FAM120B: variants seen among roughly 807,000 people sequenced by gnomAD.
The protein encoded by FAM120B is family with sequence similarity 120 member B, also known as constitutive coactivator of peroxisome proliferator-activated receptor gamma.
In FAM120B, 83 loss-of-function variants were observed where a neutral mutation model predicts 96.3. The observed-to-expected ratio is 0.86, with a 90% CI of 0.72 to 1.03. The LOEUF (loss-of-function observed/expected upper bound fraction) is 1.03, where lower values mean the gene tolerates loss of function less well. Ranked by LOEUF, FAM120B falls within the 50% of genes least tolerant of loss-of-function variation. The pLI is 0.00. For missense variants in FAM120B, 1,027 were observed against 1,121.2 expected (o/e 0.92, Z 1.20); for synonymous variants, 407 against 402.7 (o/e 1.01, Z -0.13).
At chr6:170,345,984 C>T (rs1348712559) in intron 4 of FAM120B, among the ~76,000 whole-genome samples, 2 of 152,172 alleles carry the variant, frequency 1.3e-5, no homozygotes, top group African/African-American at 4.8e-5. Flanking sequence ...ACCTGTGAAG[C>T]GTGTGGCTGC....
chr6:170,378,041 C>A (rs932436921), intron 6 of FAM120B, among the ~76,000 whole-genome samples: 1 of 152,132 alleles, frequency 6.6e-6, no homozygotes, highest in Non-Finnish European at 1.5e-5. Context: ...AAGCTATGAC[C>A]TTTTTACCAG....
chr6:170,370,664 C>T lies in FAM120B; in HGVS notation c.2283+12346C>T, dbSNP rs982279947. Among the ~76,000 whole-genome samples, 2 of 152,220 alleles carry T rather than the reference C, an allele frequency of 1.3e-5. No individual in the cohort carries two copies. The highest frequency in any genetic ancestry group is 2.9e-5 in the Non-Finnish European group (2 of 68,040). On this transcript the variant is annotated intron_variant, in intron 6 of 10. Transcript: ENST00000476287. This position sits in a 1 kb window ranked among gnomAD's most constrained non-coding sequence, Gnocchi z 4.3. ...GCAGTAAAGGGGAAGAACAGCAGAACTGCAGTCAGCAGTTCAGATATTACC... is the reference window on the plus strand; with the variant it reads ...GCAGTAAAGGGGAAGAACAGCAGAATTGCAGTCAGCAGTTCAGATATTACC...
At chr6:170,328,997 A>G (rs1190121709) in intron 3 of FAM120B, among the ~76,000 whole-genome samples, 1 of 152,220 alleles carries the variant, frequency 6.6e-6, no homozygotes, top group African/African-American at 2.4e-5. Context: ...CAGAGTGCCC[A>G]AGGTGTAGGA....
rs575723453 is a variant in FAM120B, at chr6:170,324,350, A to G, written c.1915+1091A>G. Reference sequence around the variant, plus strand: ...AGAGTTCACCTCTGTGACCTAAGGAAGCAGACATGAGAAAGATGTTTAAGC... The same window carrying G: ...AGAGTTCACCTCTGTGACCTAAGGAGGCAGACATGAGAAAGATGTTTAAGC... On this transcript the variant is annotated intron_variant, in intron 3 of 10. Coordinates refer to ENST00000476287, the MANE Select transcript of FAM120B (RefSeq NM_032448.3). 7.9e-5 allele frequency among the ~76,000 whole-genome samples: 12 copies of G among 152,350 alleles called. No homozygotes were observed. The South Asian group carries it at 2.5e-3, about 32-fold the overall frequency.
At chr6:170,306,195 G>A (rs1002098483), upstream of FAM120B, among the ~76,000 whole-genome samples, 8 of 152,196 alleles carry the variant, frequency 5.3e-5, no homozygotes, top group African/African-American at 1.4e-4. Context: ...CGCTGACTGG[G>A]GCCGCGCCGT....
chr6:170,374,692 C>T (rs1168502473), intron 6 of FAM120B, among the ~76,000 whole-genome samples: 1 of 152,210 alleles, frequency 6.6e-6, no homozygotes, highest in Admixed American at 6.5e-5. Flanking sequence ...CACCTTTCTT[C>T]TTCCCTTCAC....
intron 4 of FAM120B, among the ~76,000 whole-genome samples, chr6:170,338,285 T>C (rs1786575008): frequency 1.3e-5 from 2 of 152,242 alleles, no homozygotes; most frequent in African/African-American, 2.4e-5. Context: ...AATTTTGTTA[T>C]TTACCCAGTA....
At chr6:170,339,366 T>A (rs952373011) in intron 4 of FAM120B, among the ~76,000 whole-genome samples, 2 of 152,146 alleles carry the variant, frequency 1.3e-5, no homozygotes, top group Non-Finnish European at 2.9e-5. Context: ...TTTGCCATTT[T>A]TCCAGTTCCA....
chr6:170,391,162 A>G (rs1256514693), intron 8 of FAM120B, 41 bp downstream of exon 8: 2 of 1,325,310 alleles, frequency 1.5e-6, no homozygotes, highest in South Asian at 2.4e-5. Context: ...CCACAAGCGT[A>G]GACCCTAACT....
In FAM120B at chr6:170,330,493, C is replaced by A. The variant is rs1430009760; in HGVS notation, c.1960C>A (p.Pro654Thr). The change falls in exon 4 of 11, where the codon CCT becomes ACT. Residue 654 changes from proline (P) to threonine (T), a missense_variant. Pro to Thr is a conservative substitution (Grantham distance 38). This residue lies in a region of FAM120B where 880 missense variants were observed against 980.9 expected (regional missense o/e 0.90). Transcript: ENST00000476287. ...AGCTGTCAAGGAGTGGTTTGTGTAT[C>A]CTGGGAACCCACTGAGGCACCCGGA... is the stretch of plus-strand genomic sequence containing the variant. ...CLAVKEWFVYPGNPLRHPDLV... is the reference protein window; with the variant it reads ...CLAVKEWFVYTGNPLRHPDLV... 6.2e-7 allele frequency: 1 copy of A among 1,614,008 alleles called. No homozygotes were observed. Among genetic ancestry groups the A allele is most frequent in the Non-Finnish European group, 8.5e-7 (1 of 1,180,020 alleles).
In FAM120B at chr6:170,317,379, C is replaced by G. The variant is rs766836786; in HGVS notation, c.-12C>G. 2 of 1,595,208 alleles carry G rather than the reference C, an allele frequency of 1.3e-6. No individual in the cohort carries two copies. The highest frequency in any genetic ancestry group is 2.2e-5 in the South Asian group (2 of 89,976). On this transcript the variant is annotated 5_prime_UTR_variant, in exon 2 of 11. Coordinates refer to ENST00000476287, the MANE Select transcript of FAM120B (RefSeq NM_032448.3). Reference sequence around the variant, plus strand: ...TTATCTTTCTTTCCAGATCCTTTCCCGGAGTTCAGTTATGGGTGTGAGAGG... The same window carrying G: ...TTATCTTTCTTTCCAGATCCTTTCCGGGAGTTCAGTTATGGGTGTGAGAGG...
At chr6:170,368,610 C>T (rs975095411) in intron 6 of FAM120B, among the ~76,000 whole-genome samples, 3 of 152,168 alleles carry the variant, frequency 2.0e-5, no homozygotes, top group African/African-American at 7.2e-5. Context: ...AGAAGAAATA[C>T]AATTTTTAAA....
intron 4 of FAM120B, among the ~76,000 whole-genome samples, chr6:170,337,001 T>A (rs2115093124): frequency 6.6e-6 from 1 of 152,364 alleles, no homozygotes; most frequent in South Asian, 2.1e-4. Flanking sequence ...TGATTTTCTC[T>A]CTTCCTATTT....
chr6:170,326,346 G>A (rs1243432375), intron 3 of FAM120B, among the ~76,000 whole-genome samples: 2 of 152,176 alleles, frequency 1.3e-5, no homozygotes, highest in African/African-American at 4.8e-5. Flanking sequence ...TGGTTTGTTA[G>A]CACTCCCTCC....
At chr6:170,383,353 T>C (rs925804805) in intron 6 of FAM120B, among the ~76,000 whole-genome samples, 7 of 152,210 alleles carry the variant, frequency 4.6e-5, no homozygotes, top group African/African-American at 1.7e-4. Context: ...AATGTCGCTC[T>C]ATTAGGATAA....
intron 6 of FAM120B, among the ~76,000 whole-genome samples, chr6:170,361,578 T>G (rs1490728611): frequency 1.3e-5 from 2 of 152,080 alleles, no homozygotes; most frequent in African/African-American, 4.8e-5. Context: ...TTGTTTTCCC[T>G]TTGTAGTTAG....
At chr6:170,345,209 T>A (rs1228987855) in intron 4 of FAM120B, among the ~76,000 whole-genome samples, 2 of 152,192 alleles carry the variant, frequency 1.3e-5, no homozygotes, top group African/African-American at 4.8e-5. Context: ...TTTATAAGTG[T>A]CCTTTATCCA....
At chr6:170,315,923 C>T (rs1784869296) in intron 1 of FAM120B, among the ~76,000 whole-genome samples, 2 of 147,226 alleles carry the variant, frequency 1.4e-5, no homozygotes, top group South Asian at 4.3e-4. Context: ...CTTGTCTCCA[C>T]TGGAAAAAAA....
chr6:170,361,220 A>ATATATATACACG (rs1788395054), intron 6 of FAM120B, among the ~76,000 whole-genome samples: 2 of 110,022 alleles, frequency 1.8e-5, no homozygotes, highest in African/African-American at 8.1e-5. Context: ...ATATATATAT[A>ATATATATACACG]TATATATATA....
Sources: gnomAD v4.1 joint callset for allele counts (sites outside exome capture counted in the v4.1 genomes callset) on GRCh38, gnomAD v4.1.1 for gene constraint, gnomAD v4.1.1 regional missense constraint, Gnocchi (gnomAD v3.1) non-coding constraint, MANE v1.5 for transcripts, NCBI Gene and HGNC (gene_info 2026-07-23, HGNC 2026-07-21) for gene names.